Variants in KSR2 observed in about 807,000 individuals in gnomAD.
KSR2 encodes kinase suppressor of ras 2.
KSR2 carries 25 observed loss-of-function variants against 107.8 expected under a neutral mutation model. That is an observed-to-expected ratio of 0.23 (90% CI 0.17 to 0.32). The LOEUF (loss-of-function observed/expected upper bound fraction) is 0.32. Ranked by LOEUF, KSR2 falls within the 10% of genes least tolerant of loss-of-function variation. KSR2 has a pLI of 1.00. For synonymous variants in KSR2, 480 were observed against 507.0 expected (o/e 0.95, Z 0.71); for missense variants, 887 against 1,268.9 (o/e 0.70, Z 4.57).
At chr12:117,759,182 G>A (rs552216840) in intron 4 of KSR2, among the ~76,000 whole-genome samples, 1 of 152,304 alleles carries the variant, frequency 6.6e-6, no homozygotes, top group African/African-American at 2.4e-5. Flanking sequence ...CATTCCCAAT[G>A]CTTCAGAAAA....
At position 117,882,300 on chromosome 12, in the gene KSR2, C is replaced by T. The variant is rs954386040; in HGVS notation, c.181-21869G>A. Reference sequence around the variant, plus strand: ...TGGAGGAGGTGGCATATAAGCCAGGCCTTGACAAGCACTCATAACTTCCCA... The same window carrying T: ...TGGAGGAGGTGGCATATAAGCCAGGTCTTGACAAGCACTCATAACTTCCCA... On this transcript the variant is annotated intron_variant, in intron 1 of 19. Coordinates refer to ENST00000339824, the MANE Select transcript of KSR2 (RefSeq NM_173598.6). 4.4e-4 allele frequency among the ~76,000 whole-genome samples: 67 copies of T among 152,148 alleles called. 1 individual carries two copies. The highest frequency in any genetic ancestry group is 5.9e-5 in the Non-Finnish European group (4 of 68,016).
intron 13 of KSR2, among the ~76,000 whole-genome samples, chr12:117,525,704 A>G (rs1413404336): frequency 6.6e-6 from 1 of 152,222 alleles, no homozygotes; most frequent in African/African-American, 2.4e-5. Context: ...CAGGCTAGAC[A>G]GGCTAAAACA....
At chr12:117,721,959 C>A (rs1183094829) in intron 4 of KSR2, among the ~76,000 whole-genome samples, 1 of 152,142 alleles carries the variant, frequency 6.6e-6, no homozygotes, top group African/African-American at 2.4e-5. Context: ...TCCAATATGG[C>A]AGCCACCAGC....
chr12:117,474,962 A>G (rs961810329), intron 17 of KSR2, among the ~76,000 whole-genome samples: 3 of 152,026 alleles, frequency 2.0e-5, no homozygotes, highest in African/African-American at 7.2e-5. Context: ...TAAGGCAGCT[A>G]TCTAGGCACC....
At chr12:117,886,946 C>T (rs1894194468) in intron 1 of KSR2, among the ~76,000 whole-genome samples, 1 of 152,094 alleles carries the variant, frequency 6.6e-6, no homozygotes, top group African/African-American at 2.4e-5. Flanking sequence ...TTTTTTGAGA[C>T]AGAGTCTTAC....
intron 8 of KSR2, among the ~76,000 whole-genome samples, chr12:117,557,706 T>A (rs901609270): frequency 6.6e-6 from 1 of 152,232 alleles, no homozygotes; most frequent in Admixed American, 6.5e-5. Context: ...TTTTAATTAA[T>A]CTAAATTTAA....
chr12:117,795,122 G>T (rs748838424), intron 3 of KSR2, among the ~76,000 whole-genome samples: 2 of 152,058 alleles, frequency 1.3e-5, no homozygotes, highest in Non-Finnish European at 2.9e-5. Context: ...TGACTTGCAC[G>T]GCAAAGGACA....
rs563230017 is a variant in KSR2, at chr12:117,462,836, G to A, written c.*4363C>T. 3.3e-5 allele frequency: 5 copies of A among 152,306 alleles called. No individual in the cohort carries two copies. In the East Asian group the frequency reaches 9.7e-4, roughly 29 times the overall value. The allele number at this position is 152,306 out of a possible 1,614,324, so 9.4% of individuals were successfully genotyped here. ...TGTGGGGAAAGAAAGCCGGGGATGG[G>A]AATAAAATCACAGAGCGTTGGAACC... On this transcript the variant is annotated 3_prime_UTR_variant, in exon 20 of 20. Coordinates refer to ENST00000339824, the MANE Select transcript of KSR2 (RefSeq NM_173598.6).
At chr12:117,643,468 C>T (rs186471811) in intron 5 of KSR2, among the ~76,000 whole-genome samples, 39 of 152,204 alleles carry the variant, frequency 2.6e-4, no homozygotes, top group Admixed American at 2.4e-3. Context: ...AAAACAACAA[C>T]AACAACAAAA....
At chr12:117,563,870 C>G (rs1380183931) in intron 7 of KSR2, among the ~76,000 whole-genome samples, 1 of 152,152 alleles carries the variant, frequency 6.6e-6, no homozygotes, top group Admixed American at 6.5e-5. Context: ...GCACCCATTA[C>G]CAGCTGCCTT....
At chr12:117,536,230 A>G (rs1876045691) in intron 10 of KSR2, among the ~76,000 whole-genome samples, 5 of 152,196 alleles carry the variant, frequency 3.3e-5, no homozygotes, top group Admixed American at 3.3e-4. Flanking sequence ...AGAAAACTCA[A>G]CATCTGGCAG....
chr12:117,580,287 C>G (rs1235902226), intron 6 of KSR2, among the ~76,000 whole-genome samples: 1 of 152,216 alleles, frequency 6.6e-6, no homozygotes, highest in African/African-American at 2.4e-5. Context: ...CTCTCCCTCT[C>G]TGGTTTTGGA....
chr12:117,576,330 G>A (rs772472506), intron 7 of KSR2, among the ~76,000 whole-genome samples: 1 of 152,098 alleles, frequency 6.6e-6, no homozygotes, highest in Non-Finnish European at 1.5e-5. Context: ...CAGAGCTGCT[G>A]GTGTATGGAG....
chr12:117,960,580 T>A (rs971894621), intron 1 of KSR2, among the ~76,000 whole-genome samples: 1 of 152,166 alleles, frequency 6.6e-6, no homozygotes, highest in Non-Finnish European at 1.5e-5. Context: ...CCAGCCACAG[T>A]TGAGCCATCA....
intron 1 of KSR2, among the ~76,000 whole-genome samples, chr12:117,896,741 C>T (rs117619086): frequency 0.036 from 5,474 of 152,118 alleles, 165 homozygotes; most frequent in East Asian, 0.17. Context: ...ATTATAGGCA[C>T]GAGCCACCAC....
intron 3 of KSR2, among the ~76,000 whole-genome samples, chr12:117,802,066 G>A (rs895851871): frequency 6.6e-6 from 1 of 152,124 alleles, no homozygotes. Context: ...TTAAAATTCT[G>A]GAGATCAGAA....
chr12:117,620,728 C>G (rs944938045), intron 5 of KSR2, among the ~76,000 whole-genome samples: 3 of 152,178 alleles, frequency 2.0e-5, no homozygotes, highest in African/African-American at 7.2e-5. Context: ...AGACACTTCT[C>G]TGTGAGCTGT....
intron 3 of KSR2, among the ~76,000 whole-genome samples, chr12:117,777,335 G>A (rs1026319671): frequency 5.3e-5 from 8 of 151,892 alleles, no homozygotes; most frequent in Admixed American, 1.3e-4. Context: ...GCAGTTCAGC[G>A]CTATGCTTTG....
At chr12:117,589,598 T>C (rs1439690494) in intron 5 of KSR2, among the ~76,000 whole-genome samples, 1 of 152,162 alleles carries the variant, frequency 6.6e-6, no homozygotes, top group East Asian at 1.9e-4. Context: ...CTAATAAAAC[T>C]TAGATCATTA....
Sources: allele counts gnomAD v4.1 joint callset (sites outside exome capture counted in the v4.1 genomes callset), GRCh38; gene constraint gnomAD v4.1.1; transcripts MANE v1.5; gene names NCBI Gene and HGNC (gene_info 2026-07-23, HGNC 2026-07-21).